The following TGFA variants were observed in gnomAD, a reference collection of about 807,000 sequenced individuals.
TGFA encodes protransforming growth factor alpha.
A neutral mutation model predicts 21.7 loss-of-function variants in TGFA; 12 were observed. The observed-to-expected ratio is 0.55, with a 90% CI of 0.35 to 0.90. The LOEUF (loss-of-function observed/expected upper bound fraction) is 0.90. TGFA is among the 40% of genes least tolerant of loss of function. The pLI is 0.01. For missense variants in TGFA, 178 were observed against 210.8 expected (o/e 0.84, Z 0.96); for synonymous variants, 79 against 88.1 (o/e 0.90, Z 0.58).
rs1405309090 is a variant in TGFA, at chr2:70,504,455, TATATATATAC to T, written c.94+10394_94+10403del. ...ACAAATATATATATATATATATATATATATATATACACACATACATACATACATACACACA... is the reference window on the plus strand; with the variant it reads ...ACAAATATATATATATATATATATATACACATACATACATACATACACACA... On this transcript the variant is annotated intron_variant, in intron 2 of 5. Coordinates refer to ENST00000295400, the MANE Select transcript of TGFA (RefSeq NM_003236.4). 5.7e-4 allele frequency among the ~76,000 whole-genome samples: 42 copies of T among 73,928 alleles called. 1 individual carries two copies. The highest frequency in any genetic ancestry group is 2.9e-3 in the African/African-American group (29 of 9,858). 48.5% of individuals were successfully genotyped at this position (73,928 alleles called of 152,430 possible).
At chr2:70,451,793 G>T (rs782454575) in intron 5 of TGFA, 165 of 699,600 alleles carry the variant, frequency 2.4e-4, no homozygotes, top group Non-Finnish European at 3.9e-4. Flanking sequence ...GGCTTTAGAG[G>T]CCCTGGTTCT....
At chr2:70,501,210 CAAAAAAATTTTAAA>C (rs1418662982) in intron 2 of TGFA, among the ~76,000 whole-genome samples, 9 of 150,652 alleles carry the variant, frequency 6.0e-5, no homozygotes, top group South Asian at 4.2e-4. Context: ...ATTTTTTGGT[CAAAAAAATTTTAAA>C]GAAAAAATTT....
chr2:70,482,721 T>C (rs1453470771), intron 2 of TGFA, among the ~76,000 whole-genome samples: 1 of 152,186 alleles, frequency 6.6e-6, no homozygotes, highest in African/African-American at 2.4e-5. Context: ...AAAACTTTTT[T>C]TTTTTCTCTT....
intron 2 of TGFA, 62 bp from the exon 3 acceptor site, chr2:70,465,798 T>A (rs1478290003): frequency 6.3e-7 from 1 of 1,596,512 alleles, no homozygotes; most frequent in African/African-American, 1.3e-5. Context: ...ACCCCACACC[T>A]CCCACCCTAC....
chr2:70,479,031 T>C (rs1317420059), intron 2 of TGFA, among the ~76,000 whole-genome samples: 1 of 152,232 alleles, frequency 6.6e-6, no homozygotes, highest in African/African-American at 2.4e-5. Context: ...GTCATCTGAT[T>C]TCATATCCTC....
chr2:70,472,980 T>C (rs1261804670), intron 2 of TGFA, among the ~76,000 whole-genome samples: 1 of 152,220 alleles, frequency 6.6e-6, no homozygotes, highest in African/African-American at 2.4e-5. Flanking sequence ...TAATACTTTT[T>C]GGATGTCTAG....
At position 70,449,959 on chromosome 2, in the gene TGFA, C is replaced by CTAAG. The variant is rs1331257930; in HGVS notation, c.*896_*899dup. On this transcript the variant is annotated 3_prime_UTR_variant, in exon 6 of 6. Transcript: ENST00000295400. Reference sequence around the variant, plus strand: ...GGACAGATCCCTGCTGATGGATTTGCTAAGTTTTCTCCCAGAACGTATTGA... The same window carrying CTAAG: ...GGACAGATCCCTGCTGATGGATTTGCTAAGTAAGTTTTCTCCCAGAACGTATTGA... The CTAAG allele has an allele frequency of 6.6e-6, 1 of 152,376 alleles. No homozygotes were observed. The allele number at this position is 152,376 out of a possible 1,614,324, so 9.4% of individuals were successfully genotyped here. A position where few individuals can be genotyped will look rare whatever the true frequency, so the allele number is the denominator to read the frequency against.
chr2:70,511,103 T>A (rs544574565), intron 2 of TGFA, among the ~76,000 whole-genome samples: 1 of 152,328 alleles, frequency 6.6e-6, no homozygotes, highest in East Asian at 1.9e-4. Flanking sequence ...TCCATTAAAG[T>A]GTGTCGGCTT....
At position 70,529,466 on chromosome 2, in the gene TGFA, A is replaced by G. The variant is rs542154115; in HGVS notation, c.41-14554T>C. Among the ~76,000 whole-genome samples the G allele has an allele frequency of 3.6e-3, 542 of 152,340 alleles. 2 individuals carry two copies. Among genetic ancestry groups the G allele is most frequent in the African/African-American group, 0.012 (514 of 41,564 alleles). On this transcript the variant is annotated intron_variant, in intron 1 of 5. Transcript: ENST00000295400. ...TTTTTCATCACGGATGCGTGTAAAT[A>G]AATAGTCATCATGGATGTCTTTTCT... is the stretch of plus-strand genomic sequence containing the variant.
At chr2:70,492,142 G>T (rs1232010875) in intron 2 of TGFA, among the ~76,000 whole-genome samples, 4 of 152,154 alleles carry the variant, frequency 2.6e-5, no homozygotes, top group South Asian at 2.1e-4. Context: ...ATGGTGGAAG[G>T]TAAGAATATA....
chr2:70,513,058 A>T (rs1672154939), intron 2 of TGFA, among the ~76,000 whole-genome samples: 1 of 152,208 alleles, frequency 6.6e-6, no homozygotes, highest in Non-Finnish European at 1.5e-5. Flanking sequence ...AATTTGGCTT[A>T]GAAGAGAACA....
chr2:70,472,177 A>T (rs1670771262), intron 2 of TGFA, among the ~76,000 whole-genome samples: 1 of 152,242 alleles, frequency 6.6e-6, no homozygotes, highest in Admixed American at 6.5e-5. Flanking sequence ...GAATATCCAA[A>T]GAAAGTCTCC....
At chr2:70,481,411 A>G (rs1671116146) in intron 2 of TGFA, among the ~76,000 whole-genome samples, 1 of 152,226 alleles carries the variant, frequency 6.6e-6, no homozygotes, top group South Asian at 2.1e-4. Flanking sequence ...TGCCTCCCAG[A>G]AACCTCTGTG....
chr2:70,509,940 G>A (rs1247676987), intron 2 of TGFA, among the ~76,000 whole-genome samples: 2 of 152,214 alleles, frequency 1.3e-5, no homozygotes, highest in Admixed American at 6.5e-5. Flanking sequence ...CCTTCCTGGA[G>A]AGGGTGTGAC....
chr2:70,476,081 A>AT (rs1491176749), intron 2 of TGFA, among the ~76,000 whole-genome samples: 1 of 49,740 alleles, frequency 2.0e-5, no homozygotes, highest in Admixed American at 2.2e-4. Flanking sequence ...AATTTTAAGC[A>AT]AAAAAAAAAA....
chr2:70,552,485 C>G (rs1302087887), intron 1 of TGFA, among the ~76,000 whole-genome samples: 1 of 152,180 alleles, frequency 6.6e-6, no homozygotes, highest in Non-Finnish European at 1.5e-5. Flanking sequence ...AAAGGCAATT[C>G]TTCAAAAATG....
intron 2 of TGFA, among the ~76,000 whole-genome samples, chr2:70,483,891 T>C (rs528968889): frequency 6.6e-6 from 1 of 152,220 alleles, no homozygotes; most frequent in African/African-American, 2.4e-5. Flanking sequence ...ACTTACTAGA[T>C]GATGTATCAG....
At chr2:70,504,435 T>A (rs1223604200) in intron 2 of TGFA, among the ~76,000 whole-genome samples, 1 of 19,782 alleles carries the variant, frequency 5.1e-5, no homozygotes, top group Non-Finnish European at 1.4e-4. Flanking sequence ...ACAAAACAAA[T>A]ATATATATAT....
chr2:70,459,236 ACATTT>A (rs1670338475), intron 3 of TGFA, among the ~76,000 whole-genome samples: 1 of 152,208 alleles, frequency 6.6e-6, no homozygotes, highest in Non-Finnish European at 1.5e-5. Context: ...AGACCCCAAT[ACATTT>A]CATTTAAATA....
Sources: gnomAD v4.1 joint callset for allele counts (sites outside exome capture counted in the v4.1 genomes callset) on GRCh38, gnomAD v4.1.1 for gene constraint, MANE v1.5 for transcripts, NCBI Gene and HGNC (gene_info 2026-07-23, HGNC 2026-07-21) for gene names.